Variants in ASL observed in about 807,000 individuals in gnomAD.
The protein encoded by ASL is argininosuccinate lyase.
ASL carries 51 observed loss-of-function variants against 69.1 expected under a neutral mutation model. That is an observed-to-expected ratio of 0.74 (90% CI 0.59 to 0.93). The LOEUF is 0.93. Ranked by LOEUF, ASL falls within the 40% of genes least tolerant of loss-of-function variation. The pLI is 0.00. For missense variants in ASL, 540 were observed against 623.9 expected, an observed-to-expected ratio of 0.87 and a Z score of 1.43; for synonymous variants, 241 against 247.6, an observed-to-expected ratio of 0.97 and a Z score of 0.25.
At chr7:66,080,086 A>G (rs2115679487) in intron 2 of ASL, among the ~76,000 whole-genome samples, 1 of 152,068 alleles carries the variant, frequency 6.6e-6, no homozygotes, top group East Asian at 1.9e-4. Context: ...CCCTGTGTCT[A>G]AAAAAGAATT....
At chr7:66,087,450 C>T (rs1786702789) in intron 9 of ASL, 64 bp downstream of exon 9, 4 of 1,574,374 alleles carry the variant, frequency 2.5e-6, no homozygotes, top group Admixed American at 1.7e-5. Context: ...GACCTGCAGA[C>T]ACACCTGAAA....
chr7:66,083,785 AG>A (rs1193195398), intron 6 of ASL, among the ~76,000 whole-genome samples: 3 of 151,656 alleles, frequency 2.0e-5, no homozygotes, highest in Non-Finnish European at 4.4e-5. Flanking sequence ...GAGCAGCCAG[AG>A]TCACTCCCCA....
chr7:66,076,751 A>G (rs1786357369), intron 2 of ASL, among the ~76,000 whole-genome samples: 1 of 152,076 alleles, frequency 6.6e-6, no homozygotes, highest in African/African-American at 2.4e-5. Flanking sequence ...TGGGGGTAAT[A>G]ATAGCTGTCG....
chr7:66,083,174 C>T lies in ASL; in HGVS notation c.446C>T (p.Ala149Val), dbSNP rs777288665. 19 of 1,611,990 alleles carry T rather than the reference C, an allele frequency of 1.2e-5. No homozygotes were observed. The highest frequency in any genetic ancestry group is 6.6e-5 in the South Asian group (6 of 91,008). ...AGGACCATGGTGGATCGGGCAGAGG[C>T]GTGAGTCCTACAGGGACACCCAGGG... ...LIRTMVDRAE[A>V]ERDVLFPGYT... Residue 149 changes from alanine to valine, a missense_variant and splice_region_variant, in exon 6 of 17, where the codon GCG (alanine) becomes GTG (valine). Ala to Val is a moderately conservative substitution (Grantham distance 64). Transcript: ENST00000304874.
chr7:66,076,884 C>CTT (rs979748248), intron 2 of ASL, among the ~76,000 whole-genome samples: 2 of 152,158 alleles, frequency 1.3e-5, no homozygotes, highest in African/African-American at 4.8e-5. Flanking sequence ...GTTCCAGGCC[C>CTT]TTTTGGCCTT....
rs923996935 is a variant in ASL at position 66,089,539 on chromosome 7, G to C, written c.979-73G>C. The C allele has an allele frequency of 3.4e-4, 530 of 1,546,716 alleles. 1 individual carries two copies. The highest frequency in any genetic ancestry group is 4.1e-4 in the Non-Finnish European group (458 of 1,124,718). Reference sequence around the variant, plus strand: ...GGAAGGCAGTGGGGATGCCTCAGTGGGGGGGTGGGGCTGTGGGGACCCTGG... The same window carrying C: ...GGAAGGCAGTGGGGATGCCTCAGTGCGGGGGTGGGGCTGTGGGGACCCTGG... On this transcript the variant is annotated intron_variant, in intron 13 of 16. Coordinates refer to ENST00000304874, the MANE Select transcript of ASL (RefSeq NM_000048.4).
At chr7:66,091,130 C>T (rs943782992) in intron 14 of ASL, among the ~76,000 whole-genome samples, 6 of 148,130 alleles carry the variant, frequency 4.1e-5, no homozygotes, top group African/African-American at 1.5e-4. Flanking sequence ...GGCAGTGTTT[C>T]TGGAGGCTAG....
chr7:66,077,427 A>G (rs1271884787), intron 2 of ASL, among the ~76,000 whole-genome samples: 2 of 152,024 alleles, frequency 1.3e-5, no homozygotes, highest in African/African-American at 2.4e-5. Flanking sequence ...CAGTTTCAAA[A>G]AAATAAAAAT....
At chr7:66,088,546 A>T (rs1371398258) in intron 10 of ASL, among the ~76,000 whole-genome samples, 1 of 152,192 alleles carries the variant, frequency 6.6e-6, no homozygotes, top group Non-Finnish European at 1.5e-5. Flanking sequence ...AAGCTGGTTT[A>T]TTTAAAACAA....
At chr7:66,080,904 A>G (rs1392811551) in intron 2 of ASL, among the ~76,000 whole-genome samples, 1 of 152,110 alleles carries the variant, frequency 6.6e-6, no homozygotes, top group Non-Finnish European at 1.5e-5. Context: ...GCTGTGAGGG[A>G]GAGAGTTGCA....
At position 66,089,642 on chromosome 7, in the gene ASL, G is replaced by A; in HGVS notation, c.1009G>A (p.Asp337Asn). The A allele has an allele frequency of 1.2e-6, 2 of 1,613,886 alleles. No individual in the cohort carries two copies. Among genetic ancestry groups the A allele is most frequent in the Middle Eastern group, 1.6e-4 (1 of 6,062 alleles). Residue 337 changes from aspartate (D) to asparagine (N), a missense_variant, in exon 14 of 17, where the codon GAC becomes AAC. Transcript: ENST00000304874. Reference sequence around the variant, plus strand: ...CAAGGAAGCTGTGTTTGAAGTGTCAGACACTATGAGTGCCGTGCTCCAGGT... The same window carrying A: ...CAAGGAAGCTGTGTTTGAAGTGTCAAACACTATGAGTGCCGTGCTCCAGGT... ...EDKEAVFEVS[D>N]TMSAVLQVAT...
intron 10 of ASL, 131 bp from the exon 11 acceptor site, chr7:66,088,676 G>A: frequency 1.3e-6 from 1 of 772,150 alleles, no homozygotes; most frequent in Non-Finnish European, 2.3e-6. Flanking sequence ...GGGCGACATA[G>A]CACGACCCCA....
In ASL at chr7:66,085,610, CT is replaced by C. The variant is rs76552002; in HGVS notation, c.447-960del. Among the ~76,000 whole-genome samples the C allele has an allele frequency of 4.2e-3, 598 of 143,962 alleles. 3 individuals are homozygous for C. Among genetic ancestry groups the C allele is most frequent in the East Asian group, 0.03 (152 of 5,006 alleles). The allele number at this position is 143,962 out of a possible 152,430, so 94.4% of individuals were successfully genotyped here. A position where few individuals can be genotyped will look rare whatever the true frequency, so the allele number is the denominator to read the frequency against. ...TCTGGGCAACATAGCAAGACCCCAT[CT>C]TTTTTTTTTTTTTTGAGACGGAGTC... On this transcript the variant is annotated intron_variant, in intron 6 of 16. Transcript: ENST00000304874.
chr7:66,082,596 C>T, intron 4 of ASL, 145 bp downstream of exon 4: 1 of 1,036,782 alleles, frequency 9.6e-7, no homozygotes, highest in Non-Finnish European at 1.5e-6. Flanking sequence ...CACCCTGGCT[C>T]ATGCCTATAA....
Position 66,092,819 on chromosome 7 carries a change from G to A in ASL, c.1302G>A (p.Val434=), listed in dbSNP as rs141705502. ...GCGTGTGGGACTACGGGCACAGTGTGGAGCAGTATGGTGCCCTGGGCGGCA... is the reference window on the plus strand; with the variant it reads ...GCGTGTGGGACTACGGGCACAGTGTAGAGCAGTATGGTGCCCTGGGCGGCA... The part of the protein sequence containing the change: ...VICVWDYGHS[V]EQYGALGGTA... Residue 434 remains valine, a synonymous_variant, in exon 17 of 17, where the codon GTG becomes GTA. Transcript: ENST00000304874. The A allele has an allele frequency of 2.2e-5, 36 of 1,613,710 alleles. No individual in the cohort carries two copies. In the African/African-American group the frequency reaches 3.7e-4, roughly 17 times the overall value.
intron 14 of ASL, among the ~76,000 whole-genome samples, chr7:66,090,474 A>T (rs933865642): frequency 6.6e-6 from 1 of 151,844 alleles, no homozygotes; most frequent in African/African-American, 2.4e-5. Flanking sequence ...GGGTCTCCCT[A>T]TGTTTCCCAG....
intron 2 of ASL, among the ~76,000 whole-genome samples, chr7:66,077,249 T>C (rs1786373170): frequency 1.3e-5 from 2 of 152,066 alleles, no homozygotes; most frequent in Admixed American, 6.6e-5. Flanking sequence ...GGCAATGTAA[T>C]GAGACCCTGT....
At chr7:66,086,198 C>T (rs1786656826) in intron 6 of ASL, among the ~76,000 whole-genome samples, 1 of 152,184 alleles carries the variant, frequency 6.6e-6, no homozygotes, top group African/African-American at 2.4e-5. Context: ...CTGCTCAGAG[C>T]AGCCCTTGAA....
chr7:66,079,563 T>G (rs1055990727), intron 2 of ASL, among the ~76,000 whole-genome samples: 5 of 152,210 alleles, frequency 3.3e-5, no homozygotes, highest in African/African-American at 1.2e-4. Context: ...AAGACCAGCC[T>G]GGGCAACATA....
Sources: allele counts gnomAD v4.1 joint callset (sites outside exome capture counted in the v4.1 genomes callset), GRCh38; gene constraint gnomAD v4.1.1; transcripts MANE v1.5; gene names NCBI Gene and HGNC (gene_info 2026-07-23, HGNC 2026-07-21).